Variants in VRK1 observed in about 807,000 individuals in gnomAD.
VRK1 encodes the protein VRK serine/threonine kinase 1, also known as serine/threonine-protein kinase VRK1.
A neutral mutation model predicts 57.1 loss-of-function variants in VRK1; 33 were observed. The observed-to-expected ratio is 0.58, with a 90% CI of 0.44 to 0.77. VRK1 has a LOEUF of 0.77. Among genes scored for constraint, VRK1 ranks in the 30% least tolerant of loss-of-function variants. The pLI is 0.00. For synonymous variants in VRK1, 137 were observed against 147.8 expected (o/e 0.93, Z 0.53); for missense variants, 413 against 477.3 (o/e 0.87, Z 1.25).
intron 5 of VRK1, among the ~76,000 whole-genome samples, chr14:96,850,993 A>G (rs773443376): frequency 1.3e-5 from 2 of 152,342 alleles, no homozygotes; most frequent in South Asian, 2.1e-4. Context: ...AAAAGCCAAC[A>G]TGTATATGTG....
In VRK1 at chr14:96,860,606, A is replaced by G; in HGVS notation, c.939A>G (p.Glu313=). 6.2e-7 allele frequency: 1 copy of G among 1,613,220 alleles called. No individual in the cohort carries two copies. The highest frequency in any genetic ancestry group is 8.5e-7 in the Non-Finnish European group (1 of 1,179,466). The change falls in exon 11 of 13, where the codon GAA becomes GAG. Residue 313 remains glutamate (E), a synonymous_variant. Transcript: ENST00000216639. ...CAGTGAAATTACTAGACTACACTGA[A>G]AAACCTCTTTATGAAAATTTACGTG... ...METVKLLDYT[E]KPLYENLRDI... is the part of the protein sequence containing the mutation.
At position 96,860,604 on chromosome 14, in the gene VRK1, GA is replaced by G; in HGVS notation, c.942del (p.Lys314AsnfsTer15). ...AACAGTGAAATTACTAGACTACACTGAAAAACCTCTTTATGAAAATTTACGT... is the reference window on the plus strand; with the variant it reads ...AACAGTGAAATTACTAGACTACACTGAAAACCTCTTTATGAAAATTTACGT... ...METVKLLDYT[E>X]KPLYENLRDI... is the part of the protein sequence containing the mutation. On this transcript the variant is annotated frameshift_variant, in exon 11 of 13. Transcript: ENST00000216639. LOFTEE classifies it high-confidence loss of function. 6.2e-7 allele frequency: 1 copy of G among 1,613,086 alleles called. No individual in the cohort carries two copies. The highest frequency in any genetic ancestry group is 8.5e-7 in the Non-Finnish European group (1 of 1,179,424).
intron 1 of VRK1, among the ~76,000 whole-genome samples, chr14:96,808,078 G>A (rs1362970682): frequency 6.7e-6 from 1 of 149,538 alleles, no homozygotes. Context: ...AAGAGATTGA[G>A]TATGGAAGCC....
chr14:96,798,530 G>A (rs28463730), intron 1 of VRK1, among the ~76,000 whole-genome samples: 7,233 of 152,194 alleles, frequency 0.048, 195 homozygotes, highest in Non-Finnish European at 0.063. Flanking sequence ...TTAGGGAACT[G>A]TTGAAGAACT....
chr14:96,836,997 T>A (rs1887245209), intron 2 of VRK1, among the ~76,000 whole-genome samples: 1 of 152,226 alleles, frequency 6.6e-6, no homozygotes, highest in Non-Finnish European at 1.5e-5. Flanking sequence ...TAATTTGTCC[T>A]CTATAGCACT....
At chr14:96,803,214 C>T (rs1885734565) in intron 1 of VRK1, among the ~76,000 whole-genome samples, 1 of 150,800 alleles carries the variant, frequency 6.6e-6, no homozygotes, top group Non-Finnish European at 1.5e-5. Flanking sequence ...TCTTGTCCCC[C>T]AGGCTGGAGT....
intron 5 of VRK1, among the ~76,000 whole-genome samples, chr14:96,847,637 T>G (rs1471785493): frequency 6.6e-6 from 1 of 151,006 alleles, no homozygotes; most frequent in Non-Finnish European, 1.5e-5. Flanking sequence ...CCAAACACCC[T>G]GCCTTTTTTT....
chr14:96,837,942 A>G (rs1887285964), intron 3 of VRK1, 125 bp downstream of exon 3: 1 of 519,968 alleles, frequency 1.9e-6, no homozygotes, highest in Admixed American at 4.1e-5. Context: ...TAACTTAAAA[A>G]ATATTTAATA....
At chr14:96,852,263 A>G (rs1380298378) in intron 5 of VRK1, among the ~76,000 whole-genome samples, 2 of 152,160 alleles carry the variant, frequency 1.3e-5, no homozygotes, top group Non-Finnish European at 2.9e-5. Flanking sequence ...AGTTATCTTC[A>G]TGTTTTTTCA....
Position 96,881,164 on chromosome 14 carries a change from A to AT in VRK1, c.1160-8dup. On this transcript the variant is annotated splice_polypyrimidine_tract_variant and intron_variant, in intron 12 of 12. Coordinates refer to ENST00000216639, the MANE Select transcript of VRK1 (RefSeq NM_003384.3). Reference sequence around the variant, plus strand: ...TTGACTAGTGATTTCAGTTTCTTTGATTTTTCTTCAAGGTTCAAGAACCAG... The same window carrying AT: ...TTGACTAGTGATTTCAGTTTCTTTGATTTTTTCTTCAAGGTTCAAGAACCAG... 6.2e-7 allele frequency: 1 copy of AT among 1,600,198 alleles called. No individual in the cohort carries two copies. The highest frequency in any genetic ancestry group is 8.5e-7 in the Non-Finnish European group (1 of 1,172,268).
intron 1 of VRK1, among the ~76,000 whole-genome samples, chr14:96,808,002 C>CGTCTCTCTCTCTCTCTCT (rs1555357994): frequency 8.5e-6 from 1 of 118,140 alleles, no homozygotes; most frequent in African/African-American, 3.6e-5. Flanking sequence ...TCCCTCTCTC[C>CGTCTCTCTCTCTCTCTCT]CTCTCTCTCT....
At chr14:96,847,000 T>TA (rs1046126933) in intron 4 of VRK1, among the ~76,000 whole-genome samples, 11 of 151,842 alleles carry the variant, frequency 7.2e-5, no homozygotes, top group South Asian at 2.1e-4. Context: ...AGTTTTGATT[T>TA]AAAAAAAATG....
At chr14:96,830,917 C>G (rs1295334041) in intron 1 of VRK1, among the ~76,000 whole-genome samples, 1 of 152,164 alleles carries the variant, frequency 6.6e-6, no homozygotes, top group Non-Finnish European at 1.5e-5. Flanking sequence ...TGGCTTCATC[C>G]CTAGCAGTTT....
intron 5 of VRK1, among the ~76,000 whole-genome samples, chr14:96,849,662 C>A (rs562709172): frequency 3.9e-5 from 6 of 152,108 alleles, no homozygotes; most frequent in South Asian, 4.1e-4. Context: ...GTAAGGGGCA[C>A]AGAGTAAGTG....
At chr14:96,880,054 A>G (rs1053403121) in intron 12 of VRK1, among the ~76,000 whole-genome samples, 7 of 152,160 alleles carry the variant, frequency 4.6e-5, no homozygotes, top group African/African-American at 1.2e-4. Context: ...TTTAGAATCA[A>G]TCATAGTACA....
intron 1 of VRK1, among the ~76,000 whole-genome samples, chr14:96,823,028 C>T (rs1477102847): frequency 1.3e-5 from 2 of 152,172 alleles, no homozygotes; most frequent in African/African-American, 4.8e-5. Flanking sequence ...TGGTCCTCTT[C>T]CTCAACTCCT....
chr14:96,872,703 G>A (rs1186524625), intron 11 of VRK1, among the ~76,000 whole-genome samples: 3 of 152,004 alleles, frequency 2.0e-5, no homozygotes, highest in Non-Finnish European at 4.4e-5. Context: ...TCCGTCCCTA[G>A]CTTCAGTTTT....
At chr14:96,875,995 A>C in intron 11 of VRK1, 35 bp from the exon 12 acceptor site, 1 of 1,592,456 alleles carries the variant, frequency 6.3e-7, no homozygotes, top group Non-Finnish European at 8.6e-7. Context: ...TGACTGTCAG[A>C]TATCTCTCTC....
chr14:96,836,228 A>G (rs1287577986), intron 2 of VRK1, among the ~76,000 whole-genome samples: 3 of 152,124 alleles, frequency 2.0e-5, no homozygotes. Context: ...GACTATTGGT[A>G]TAGCCTCTTA....
Sources: gnomAD v4.1 joint callset for allele counts (sites outside exome capture counted in the v4.1 genomes callset) on GRCh38, gnomAD v4.1.1 for gene constraint, MANE v1.5 for transcripts, NCBI Gene and HGNC (gene_info 2026-07-23, HGNC 2026-07-21) for gene names.